FTCDNL1: variants seen among roughly 807,000 people sequenced by gnomAD.
The protein encoded by FTCDNL1 is formiminotransferase N-terminal subdomain-containing protein.
In FTCDNL1, 11 loss-of-function variants were observed where a neutral mutation model predicts 5.9. That is an observed-to-expected ratio of 1.87 (90% CI 1.18 to 3.10). The LOEUF (loss-of-function observed/expected upper bound fraction) is 3.10. FTCDNL1 is among the 30% of genes most tolerant of loss of function. The pLI is 0.00. For missense variants in FTCDNL1, 115 were observed against 65.5 expected, an observed-to-expected ratio of 1.76 and a Z score of -2.61; for synonymous variants, 58 against 24.8, an observed-to-expected ratio of 2.34 and a Z score of -3.99.
the FTCDNL1 span, among the ~76,000 whole-genome samples, chr2:199,695,753 C>T: frequency 1.3e-5 from 2 of 152,178 alleles, no homozygotes; most frequent in Non-Finnish European, 2.9e-5. Flanking sequence ...GGAGAGTTGA[C>T]AGGAACAAGA....
intron 3 of FTCDNL1, among the ~76,000 whole-genome samples, chr2:199,835,527 T>C (rs72924476): frequency 0.073 from 11,066 of 151,974 alleles, 556 homozygotes; most frequent in Middle Eastern, 0.11. Context: ...GGTGGATGGG[T>C]TGGTGGGTGC....
the FTCDNL1 span, among the ~76,000 whole-genome samples, chr2:199,682,025 T>C: frequency 6.6e-6 from 1 of 152,250 alleles, no homozygotes; most frequent in South Asian, 2.1e-4. Context: ...TTTTTTGTTG[T>C]TGTTGGGTGT....
the FTCDNL1 span, among the ~76,000 whole-genome samples, chr2:199,673,145 T>C: frequency 2.0e-5 from 3 of 151,932 alleles, no homozygotes; most frequent in African/African-American, 7.2e-5. Context: ...CTGGTCAACA[T>C]GGTGAAACCC....
intron 3 of FTCDNL1, among the ~76,000 whole-genome samples, chr2:199,781,263 C>A (rs1373161687): frequency 2.6e-5 from 4 of 152,198 alleles, no homozygotes; most frequent in Non-Finnish European, 5.9e-5. Context: ...AGGCAAAATT[C>A]TCAAGCGTGG....
At chr2:199,848,019 G>T (rs186558924) in intron 2 of FTCDNL1, among the ~76,000 whole-genome samples, 1 of 152,060 alleles carries the variant, frequency 6.6e-6, no homozygotes, top group African/African-American at 2.4e-5. Flanking sequence ...AATGACAATC[G>T]GAAATTAAAA....
chr2:199,748,359 A>G, the FTCDNL1 span, among the ~76,000 whole-genome samples: 5 of 152,164 alleles, frequency 3.3e-5, no homozygotes, highest in Non-Finnish European at 5.9e-5. Context: ...TAAACTACAT[A>G]GCTATTTTTT....
intron 3 of FTCDNL1, among the ~76,000 whole-genome samples, chr2:199,766,271 T>C (rs898353555): frequency 6.6e-5 from 10 of 152,230 alleles, no homozygotes; most frequent in Admixed American, 6.5e-5. Context: ...TAGGCACAAA[T>C]TTTGAAATAA....
At chr2:199,696,373 G>A in the FTCDNL1 span, among the ~76,000 whole-genome samples, 7 of 152,266 alleles carry the variant, frequency 4.6e-5, no homozygotes, top group East Asian at 1.2e-3. Flanking sequence ...AAGAGTTTTT[G>A]CCAGCAACCT....
rs1375937409 is a variant in FTCDNL1 at position 199,809,567 on chromosome 2, T to C, written c.*3138A>G. Reference sequence around the variant, plus strand: ...AAGGATTTAATTAAAATTGCCATCATTGACACATAGCTTCTTTTAGTATAC... The same window carrying C: ...AAGGATTTAATTAAAATTGCCATCACTGACACATAGCTTCTTTTAGTATAC... On this transcript the variant is annotated 3_prime_UTR_variant, in exon 5 of 5. Coordinates refer to ENST00000420128, the MANE Select transcript of FTCDNL1 (RefSeq NM_001363886.2). Among the ~76,000 whole-genome samples, 2 of 143,238 alleles carry C rather than the reference T, an allele frequency of 1.4e-5. No individual in the cohort carries two copies. Among genetic ancestry groups the C allele is most frequent in the African/African-American group, 4.9e-5 (2 of 40,906 alleles). 94.0% of individuals were successfully genotyped at this position (143,238 alleles called of 152,430 possible).
rs138798962 is a variant in FTCDNL1 at position 199,824,013 on chromosome 2, C to A, written c.212-4256G>T. Among the ~76,000 whole-genome samples the A allele has an allele frequency of 2.5e-3, 379 of 152,270 alleles. 4 individuals carry two copies. The highest frequency in any genetic ancestry group is 8.6e-3 in the African/African-American group (356 of 41,556). Reference sequence around the variant, plus strand: ...AATTTTTTGTAGAGACAGGGTCTCACTATATTGCCCAGGCTGGTCTCAAAC... The same window carrying A: ...AATTTTTTGTAGAGACAGGGTCTCAATATATTGCCCAGGCTGGTCTCAAAC... On this transcript the variant is annotated intron_variant, in intron 3 of 4. Transcript: ENST00000420128.
chr2:199,766,760 A>C (rs760789475), intron 3 of FTCDNL1, among the ~76,000 whole-genome samples: 2 of 152,144 alleles, frequency 1.3e-5, no homozygotes, highest in African/African-American at 2.4e-5. Flanking sequence ...ATAGTAAAGA[A>C]AGTACTCTCT....
chr2:199,761,212 T>C (rs556856927), intron 3 of FTCDNL1, among the ~76,000 whole-genome samples: 1 of 152,222 alleles, frequency 6.6e-6, no homozygotes, highest in South Asian at 2.1e-4. Context: ...TGAAGGCTCA[T>C]GCCACTCCTG....
In FTCDNL1 at chr2:199,846,075, C is replaced by G; in HGVS notation, c.211G>C (p.Gly71Arg). Residue 71 changes from glycine to arginine, a missense_variant and splice_region_variant, in exon 3 of 5, where the codon GGC becomes CGC. Gly to Arg is a moderately radical substitution (Grantham distance 125). Coordinates refer to ENST00000420128, the MANE Select transcript of FTCDNL1 (RefSeq NM_001363886.2). ...GTAAAGAAAGAAACTGAAATCTTAC[C>G]CAACTTATCAACAGAAGTTGCTATT... ...ITIATSVDKL[G>R]LAEDLVLHVP... 1 of 686,126 alleles carries G rather than the reference C, an allele frequency of 1.5e-6. No homozygotes were observed. The highest frequency in any genetic ancestry group is 1.6e-5 in the South Asian group (1 of 64,046). The allele number at this position is 686,126 out of a possible 1,614,324, so 42.5% of individuals were successfully genotyped here. A position where few individuals can be genotyped will look rare whatever the true frequency, so the allele number is the denominator to read the frequency against.
intron 3 of FTCDNL1, among the ~76,000 whole-genome samples, chr2:199,761,660 C>A (rs1698278487): frequency 6.6e-6 from 1 of 152,132 alleles, no homozygotes; most frequent in Non-Finnish European, 1.5e-5. Flanking sequence ...TAGTAACAGG[C>A]TAATTTATGA....
chr2:199,760,732 A>C (rs1698230121), exon 4 of FTCDNL1: 2 of 697,986 alleles, frequency 2.9e-6, no homozygotes, highest in East Asian at 2.7e-5. Context: ...GTTTTCCTCC[A>C]TGAGTCACCC....
chr2:199,678,913 T>A, the FTCDNL1 span, among the ~76,000 whole-genome samples: 480 of 152,272 alleles, frequency 3.2e-3, 3 homozygotes, highest in African/African-American at 0.011. Flanking sequence ...CATTTCTGAT[T>A]ATTTCCTTGG....
chr2:199,782,581 C>G (rs1469940019), intron 3 of FTCDNL1, among the ~76,000 whole-genome samples: 2 of 152,160 alleles, frequency 1.3e-5, no homozygotes, highest in Non-Finnish European at 2.9e-5. Flanking sequence ...ATGTCCGCTG[C>G]AATAATATAC....
chr2:199,735,478 A>G, the FTCDNL1 span, among the ~76,000 whole-genome samples: 1 of 151,580 alleles, frequency 6.6e-6, no homozygotes, highest in Admixed American at 6.6e-5. Context: ...TTTTTTTTAC[A>G]TGTGTATAAC....
intron 3 of FTCDNL1, among the ~76,000 whole-genome samples, chr2:199,770,541 T>A (rs1039271252): frequency 7.9e-5 from 12 of 152,348 alleles, no homozygotes; most frequent in Non-Finnish European, 1.2e-4. Context: ...AGCCCTTCCA[T>A]TTCAAAAACA....
Sources: gnomAD v4.1 joint callset for allele counts (sites outside exome capture counted in the v4.1 genomes callset) on GRCh38, gnomAD v4.1.1 for gene constraint, MANE v1.5 for transcripts, NCBI Gene and HGNC (gene_info 2026-07-23, HGNC 2026-07-21) for gene names.